Variants in WFDC3 observed in about 807,000 individuals in gnomAD.
The protein encoded by WFDC3 is WAP four-disulfide core domain protein 3.
A neutral mutation model predicts 25.8 loss-of-function variants in WFDC3; 15 were observed. The observed-to-expected ratio is 0.58, with a 90% confidence interval of 0.39 to 0.89. WFDC3 has a LOEUF of 0.89. Ranked by LOEUF, WFDC3 falls within the 40% of genes least tolerant of loss-of-function variation. WFDC3 has a pLI of 0.00. For synonymous variants in WFDC3, 103 were observed against 107.1 expected, an observed-to-expected ratio of 0.96 and a Z score of 0.24; for missense variants, 264 against 289.8, an observed-to-expected ratio of 0.91 and a Z score of 0.65.
At chr20:45,777,346 C>G (rs1279922646) in intron 4 of WFDC3, 137 bp from the exon 5 acceptor site, 1 of 1,007,148 alleles carries the variant, frequency 9.9e-7, no homozygotes, top group Non-Finnish European at 1.3e-6. Context: ...TATCATGTAT[C>G]TGCAATACAT....
chr20:45,784,541 A>C (rs1167406281), intron 4 of WFDC3, among the ~76,000 whole-genome samples: 2 of 152,228 alleles, frequency 1.3e-5, no homozygotes, highest in Non-Finnish European at 2.9e-5. Context: ...CAGGAGTTTG[A>C]GACCAGCCTG....
intron 4 of WFDC3, among the ~76,000 whole-genome samples, chr20:45,778,194 G>C (rs1980283229): frequency 1.3e-5 from 2 of 152,208 alleles, no homozygotes; most frequent in Non-Finnish European, 2.9e-5. Flanking sequence ...GCTATGGGAT[G>C]ATGAGATGCC....
At chr20:45,785,165 A>C (rs1479730228) in intron 4 of WFDC3, among the ~76,000 whole-genome samples, 1 of 152,212 alleles carries the variant, frequency 6.6e-6, no homozygotes, top group Non-Finnish European at 1.5e-5. Context: ...CTTGATCAAC[A>C]GGGAAGGCAT....
chr20:45,780,080 T>C (rs1043198419), intron 4 of WFDC3, among the ~76,000 whole-genome samples: 1 of 148,264 alleles, frequency 6.7e-6, no homozygotes, highest in Non-Finnish European at 1.5e-5. Flanking sequence ...TTTTTTTTTT[T>C]TTTTTTGAGA....
chr20:45,781,120 G>T (rs1980425340), intron 4 of WFDC3, among the ~76,000 whole-genome samples: 1 of 151,828 alleles, frequency 6.6e-6, no homozygotes, highest in Non-Finnish European at 1.5e-5. Flanking sequence ...GTGGTGATGG[G>T]TGCCTGTAAT....
At chr20:45,777,637 GC>G (rs1384476529) in intron 4 of WFDC3, among the ~76,000 whole-genome samples, 2 of 152,168 alleles carry the variant, frequency 1.3e-5, no homozygotes, top group African/African-American at 4.8e-5. Flanking sequence ...TCCCACCACA[GC>G]CTCCTGAGTA....
Position 45,782,149 on chromosome 20 carries a change from C to T in WFDC3, c.359-4940G>A, listed in dbSNP as rs1980473518. Reference sequence around the variant, plus strand: ...TGTCAGGCCAGAATCAGAATCTTCACTCCAAAACCTCTTCCCCCAGGTTGT... The same window carrying T: ...TGTCAGGCCAGAATCAGAATCTTCATTCCAAAACCTCTTCCCCCAGGTTGT... On this transcript the variant is annotated intron_variant, in intron 4 of 6. Transcript: ENST00000243938. Among the ~76,000 whole-genome samples, 2 of 152,158 alleles carry T rather than the reference C, an allele frequency of 1.3e-5. 1 individual carries two copies. Among genetic ancestry groups the T allele is most frequent in the South Asian group, 4.1e-4 (2 of 4,828 alleles).
chr20:45,777,807 C>A (rs937307203), intron 4 of WFDC3, among the ~76,000 whole-genome samples: 2 of 151,340 alleles, frequency 1.3e-5, no homozygotes, highest in African/African-American at 4.9e-5. Flanking sequence ...AGGCGTGAGC[C>A]CCCCCACCCA....
intron 4 of WFDC3, among the ~76,000 whole-genome samples, chr20:45,781,262 GAC>G (rs10630278): frequency 2.0e-5 from 3 of 150,180 alleles, no homozygotes; most frequent in Non-Finnish European, 4.4e-5. Context: ...CACACACATA[GAC>G]ACACACACAC....
chr20:45,787,391 C>T (rs542613694), intron 4 of WFDC3, among the ~76,000 whole-genome samples: 335 of 147,328 alleles, frequency 2.3e-3, no homozygotes, highest in African/African-American at 8.2e-3. Flanking sequence ...TCTGGGTTCA[C>T]GCCATTCTCC....
At chr20:45,782,590 C>G (rs1280476000) in intron 4 of WFDC3, among the ~76,000 whole-genome samples, 1 of 152,084 alleles carries the variant, frequency 6.6e-6, no homozygotes, top group Non-Finnish European at 1.5e-5. Flanking sequence ...GTTGGCCAGG[C>G]TGGTCTCAAA....
At chr20:45,780,554 C>A (rs1346330843) in intron 4 of WFDC3, among the ~76,000 whole-genome samples, 1 of 152,132 alleles carries the variant, frequency 6.6e-6, no homozygotes, top group African/African-American at 2.4e-5. Flanking sequence ...AATCACCTCA[C>A]AATTAGCTTA....
chr20:45,787,296 T>TC (rs1980723184), intron 4 of WFDC3, among the ~76,000 whole-genome samples: 1 of 120,890 alleles, frequency 8.3e-6, no homozygotes, highest in African/African-American at 3.2e-5. Flanking sequence ...TTTTTTTTTT[T>TC]TTTTTTTTTT....
intron 4 of WFDC3, chr20:45,779,898 C>T (rs1008881185): frequency 1.3e-5 from 2 of 152,274 alleles, no homozygotes; most frequent in African/African-American, 4.8e-5. Flanking sequence ...CACAGCACCT[C>T]GCTTTTGACC....
chr20:45,786,775 C>T (rs1246755576), intron 4 of WFDC3, among the ~76,000 whole-genome samples: 18 of 152,002 alleles, frequency 1.2e-4, no homozygotes, highest in Admixed American at 1.0e-3. Context: ...ACAGCCCCGC[C>T]GTGTGTGTAC....
At chr20:45,787,771 T>G (rs1156425249) in intron 4 of WFDC3, 65 bp downstream of exon 4, 1 of 1,538,246 alleles carries the variant, frequency 6.5e-7, no homozygotes, top group Non-Finnish European at 8.7e-7. Flanking sequence ...AGCTGATATG[T>G]GCATATTTGA....
intron 5 of WFDC3, 72 bp from the exon 6 acceptor site, chr20:45,775,674 T>C: frequency 1.3e-6 from 2 of 1,579,262 alleles, no homozygotes; most frequent in Non-Finnish European, 1.7e-6. Flanking sequence ...CATCGTGAAC[T>C]TACACACAGA....
intron 5 of WFDC3, among the ~76,000 whole-genome samples, chr20:45,776,615 AAAAAAAGAAAAAAAAAAAAAAT>A (rs1568697349): frequency 2.1e-3 from 107 of 51,150 alleles, no homozygotes; most frequent in African/African-American, 8.3e-3. Flanking sequence ...AAAAAAAAGA[AAAAAAAGAAAAAAAAAAAAAAT>A]ATATATATAT....
rs35445406 is a variant in WFDC3, at chr20:45,780,846, TAG to T, written c.359-3639_359-3638del. On this transcript the variant is annotated intron_variant, in intron 4 of 6. Coordinates refer to ENST00000243938, the MANE Select transcript of WFDC3 (RefSeq NM_080614.2). ...AAACTTACTCCCCTTCTCTTGTAAA[TAG>T]AGAGACAGACAACTAGAGAGAGGGA... Among the ~76,000 whole-genome samples, 693 of 152,214 alleles carry T rather than the reference TAG, an allele frequency of 4.6e-3. 4 individuals are homozygous for T. Among genetic ancestry groups the T allele is most frequent in the Middle Eastern group, 0.014 (4 of 294 alleles).
Sources: allele counts gnomAD v4.1 joint callset (sites outside exome capture counted in the v4.1 genomes callset), GRCh38; gene constraint gnomAD v4.1.1; transcripts MANE v1.5; gene names NCBI Gene and HGNC (gene_info 2026-07-23, HGNC 2026-07-21).